Variants in MGAM observed in about 807,000 individuals in gnomAD.
The protein encoded by MGAM is maltase-glucoamylase.
MGAM carries 253 observed loss-of-function variants against 358.8 expected under a neutral mutation model. The observed-to-expected ratio is 0.71, with a 90% CI of 0.64 to 0.78. MGAM has a LOEUF of 0.78. MGAM is among the 30% of genes least tolerant of loss of function. The pLI is 0.00. For missense variants in MGAM, 3,080 were observed against 3,432.6 expected, an observed-to-expected ratio of 0.90 and a Z score of 2.57; for synonymous variants, 1,105 against 1,227.1, an observed-to-expected ratio of 0.90 and a Z score of 2.08.
chr7:142,061,360 G>A lies in MGAM; in HGVS notation c.4122+987G>A, dbSNP rs189459204. Among the ~76,000 whole-genome samples the A allele has an allele frequency of 1.3e-3, 202 of 152,224 alleles. 1 individual carries two copies. The highest frequency in any genetic ancestry group is 3.0e-3 in the African/African-American group (125 of 41,534). On this transcript the variant is annotated intron_variant, in intron 34 of 70. Coordinates refer to ENST00000475668, the MANE Select transcript of MGAM (RefSeq NM_001365693.1). Reference sequence around the variant, plus strand: ...TGGAGCTCTCAGTTTCTGGTGAAAGGTTCTCTTTGTCGGGTTTCCTGGTTC... The same window carrying A: ...TGGAGCTCTCAGTTTCTGGTGAAAGATTCTCTTTGTCGGGTTTCCTGGTTC...
chr7:142,093,442 G>A lies in MGAM; in HGVS notation c.7064G>A (p.Ser2355Asn), dbSNP rs761598410. 6.5e-7 allele frequency: 1 copy of A among 1,537,764 alleles called. No individual in the cohort carries two copies. The highest frequency in any genetic ancestry group is 1.2e-5 in the South Asian group (1 of 86,060). Residue 2355 changes from serine (S) to asparagine (N), a missense_variant, in exon 60 of 71, where the codon AGC becomes AAC. This residue lies in a region of MGAM where 932 missense variants were observed against 1,198.2 expected (regional missense o/e 0.78). Transcript: ENST00000475668. The stretch of plus-strand genomic sequence containing the variant: ...GAGTCCAGGGACAGGGGCCTGAGCA[G>A]CAAGACCCTGTGCATGGAGAGTCAG... Reference protein sequence around the residue: ...YLESRDRGLSSKTLCMESQQI... With the variant: ...YLESRDRGLSNKTLCMESQQI...
intron 10 of MGAM, among the ~76,000 whole-genome samples, chr7:142,029,203 C>A (rs997280771): frequency 1.1e-4 from 16 of 151,820 alleles, no homozygotes; most frequent in Admixed American, 2.0e-4. Context: ...ACAACAACAA[C>A]AAAAAAATTA....
At chr7:142,105,773 C>T in intron 70 of MGAM, 41 bp from the exon 71 acceptor site, 1 of 1,508,538 alleles carries the variant, frequency 6.6e-7, no homozygotes, top group Non-Finnish European at 9.2e-7. Flanking sequence ...CAGGAAATTT[C>T]AACACCGGAT....
Position 142,055,667 on chromosome 7 carries a change from T to C in MGAM, c.3424T>C (p.Tyr1142His), listed in dbSNP as rs1811445373. The change falls in exon 28 of 71, where the codon TAT becomes CAT. Residue 1142 changes from tyrosine (Y) to histidine (H), a missense_variant. This residue lies in a region of MGAM where 1,816 missense variants were observed against 1,840.5 expected (regional missense o/e 0.99). Transcript: ENST00000475668. ...CTTTGGGGAAACTGAGCACAGGTCC[T>C]ATAGGAGAGACTTGGAGTGGCACAC... ...YGFGETEHRSYRRDLEWHTWG... is the reference protein window; with the variant it reads ...YGFGETEHRSHRRDLEWHTWG... The C allele has an allele frequency of 1.9e-6, 3 of 1,613,846 alleles. No homozygotes were observed. The highest frequency in any genetic ancestry group is 2.5e-6 in the Non-Finnish European group (3 of 1,179,866).
At chr7:142,044,666 A>G (rs541725707) in intron 21 of MGAM, among the ~76,000 whole-genome samples, 1 of 76,388 alleles carries the variant, frequency 1.3e-5, no homozygotes, top group East Asian at 3.0e-4. Flanking sequence ...TGTATATTAT[A>G]TACACGTGTA....
intron 13 of MGAM, among the ~76,000 whole-genome samples, chr7:142,032,049 T>C (rs2129004488): frequency 6.6e-6 from 1 of 151,292 alleles, no homozygotes; most frequent in East Asian, 1.9e-4. Flanking sequence ...TTTTTTTTTT[T>C]TTTTTACGAA....
chr7:142,044,266 A>G (rs1809631232), intron 21 of MGAM, among the ~76,000 whole-genome samples: 1 of 113,632 alleles, frequency 8.8e-6, no homozygotes, highest in African/African-American at 2.7e-5. Flanking sequence ...CATATAATAT[A>G]TACATTATAT....
intron 41 of MGAM, among the ~76,000 whole-genome samples, chr7:142,067,064 G>A (rs1812833162): frequency 6.9e-6 from 1 of 145,974 alleles, no homozygotes; most frequent in Admixed American, 6.9e-5. Flanking sequence ...TGAGGGACGA[G>A]GGCCATCCTC....
intron 2 of MGAM, among the ~76,000 whole-genome samples, chr7:142,006,671 T>G (rs1008891885): frequency 8.5e-5 from 13 of 152,114 alleles, no homozygotes; most frequent in African/African-American, 2.4e-4. Flanking sequence ...GATCCCCACT[T>G]GTTTAAAATT....
chr7:142,030,266 A>G, intron 10 of MGAM, 96 bp from the exon 11 acceptor site: 3 of 1,273,220 alleles, frequency 2.4e-6, no homozygotes, highest in African/African-American at 3.0e-5. Flanking sequence ...AGCCCAGAAC[A>G]GAGTTGTTTA....
chr7:142,078,739 C>A, intron 48 of MGAM, 69 bp from the exon 49 acceptor site: 1 of 1,414,138 alleles, frequency 7.1e-7, no homozygotes, highest in Non-Finnish European at 9.8e-7. Context: ...ACTTTTCTAA[C>A]CCTGTTTAGG....
intron 2 of MGAM, among the ~76,000 whole-genome samples, chr7:141,988,557 G>T (rs1321137376): frequency 6.6e-6 from 1 of 152,044 alleles, no homozygotes; most frequent in Non-Finnish European, 1.5e-5. Flanking sequence ...TAGAGACGGG[G>T]TTTCACCATG....
chr7:142,067,961 T>TAA (rs1196238616), intron 42 of MGAM, among the ~76,000 whole-genome samples: 8 of 34,860 alleles, frequency 2.3e-4, no homozygotes, highest in Admixed American at 4.7e-4. Flanking sequence ...TATATATATA[T>TAA]ATAAATATAT....
chr7:142,083,476 C>T, intron 53 of MGAM, 63 bp downstream of exon 53: 1 of 1,153,610 alleles, frequency 8.7e-7, no homozygotes, highest in Non-Finnish European at 1.2e-6. Context: ...CCAGAGCCCA[C>T]ATTCATTAGT....
At chr7:142,028,901 G>A (rs1247289453) in intron 10 of MGAM, among the ~76,000 whole-genome samples, 2 of 151,964 alleles carry the variant, frequency 1.3e-5, no homozygotes, top group Admixed American at 6.6e-5. Context: ...GGGGTGGGTT[G>A]GGGGAGGGAT....
chr7:142,013,649 A>G (rs1805767277), intron 3 of MGAM, among the ~76,000 whole-genome samples: 1 of 152,140 alleles, frequency 6.6e-6, no homozygotes, highest in African/African-American at 2.4e-5. Context: ...ATAGGGTGGC[A>G]ATTTCTCTTT....
At position 142,040,744 on chromosome 7, in the gene MGAM, A is replaced by C. The variant is rs1372860929; in HGVS notation, c.2396A>C (p.Lys799Thr). ...YETGSQVRWR[K>T]QKVEMELPGD... ...CAGGGGAGCCAAGTGAGATGGAGGA[A>C]GCAAAAAGTCGAGATGGAACTTCCT... Residue 799 changes from lysine to threonine, a missense_variant, in exon 21 of 71, where the codon AAG becomes ACG. By Grantham distance (78) the Lys-to-Thr change is moderately conservative. Transcript: ENST00000475668. The C allele has an allele frequency of 2.5e-5, 40 of 1,613,140 alleles. No individual in the cohort carries two copies. Among genetic ancestry groups the C allele is most frequent in the Admixed American group, 5.0e-5 (3 of 59,910 alleles).
Position 142,027,671 on chromosome 7 carries a change from AATATGG to A in MGAM, c.1159_1164del (p.Tyr387_Gly388del). 6.2e-7 allele frequency: 1 copy of A among 1,613,726 alleles called. No individual in the cohort carries two copies. The highest frequency in any genetic ancestry group is 8.5e-7 in the Non-Finnish European group (1 of 1,179,720). The stretch of plus-strand genomic sequence containing the variant: ...CTTGGATTTCACCTCAGTCGTTACG[AATATGG>A]AACCTTAGACAACATGAGGGAAGTC... On this transcript the variant is annotated inframe_deletion, in exon 10 of 71. Transcript: ENST00000475668.
intron 10 of MGAM, among the ~76,000 whole-genome samples, chr7:142,029,909 A>G (rs1807314659): frequency 1.3e-5 from 2 of 152,232 alleles, no homozygotes; most frequent in African/African-American, 4.8e-5. Context: ...AGCATAAACA[A>G]CAAAGATGTG....
Sources: allele counts gnomAD v4.1 joint callset (sites outside exome capture counted in the v4.1 genomes callset), GRCh38; gene constraint gnomAD v4.1.1; regional missense constraint gnomAD v4.1.1; transcripts MANE v1.5; gene names NCBI Gene and HGNC (gene_info 2026-07-23, HGNC 2026-07-21).